Variants in UGT1A10 observed in about 807,000 individuals in gnomAD.
UGT1A10 encodes UDP-glucuronosyltransferase 1A10.
In UGT1A10, 49 loss-of-function variants were observed where a neutral mutation model predicts 45.8. The ratio of observed to expected loss-of-function variants is 1.07; its 90% CI spans 0.85 to 1.36. The LOEUF is 1.36. UGT1A10 is among the 40% of genes most tolerant of loss of function. The probability of loss-of-function intolerance (pLI) is 0.00; values close to 1 mark genes in which losing one functional copy is unlikely to be tolerated. For synonymous variants in UGT1A10, 284 were observed against 249.7 expected, an observed-to-expected ratio of 1.14 and a Z score of -1.29; for missense variants, 745 against 668.6, an observed-to-expected ratio of 1.11 and a Z score of -1.26.
chr2:233,679,589 C>T lies in UGT1A10; in HGVS notation c.855+42212C>T, dbSNP rs113117053. 9.1e-3 allele frequency among the ~76,000 whole-genome samples: 1,388 copies of T among 152,176 alleles called. 20 individuals are homozygous for T. The highest frequency in any genetic ancestry group is 0.032 in the African/African-American group (1,309 of 41,526). On this transcript the variant is annotated intron_variant, in intron 1 of 4. Transcript: ENST00000344644. ...TTTTTGTTTTTTCCAGAATAGGGCA[C>T]TGTCATCTGTATTAAAACCCTGTTC... is the stretch of plus-strand genomic sequence containing the variant.
At chr2:233,757,535 A>AATATATATACATATACATATACATATAT (rs376887521) in intron 1 of UGT1A10, among the ~76,000 whole-genome samples, 12 of 88,284 alleles carry the variant, frequency 1.4e-4, no homozygotes, top group Non-Finnish European at 1.5e-4. Flanking sequence ...GCCTGTAAGG[A>AATATATATACATATACATATACATATAT]ATATATATAT....
chr2:233,769,536 A>G lies in UGT1A10; in HGVS notation c.1295+1097A>G. On this transcript the variant is annotated intron_variant, in intron 4 of 4. Transcript: ENST00000344644. This position sits in a 1 kb window ranked among gnomAD's most constrained non-coding sequence, Gnocchi z 4.4. Reference sequence around the variant, plus strand: ...CCCATGGTTACCTCCTTTAGAAAGAAGCAGCAGTCAGGAAGACAGATGTGA... The same window carrying G: ...CCCATGGTTACCTCCTTTAGAAAGAGGCAGCAGTCAGGAAGACAGATGTGA... 6.2e-7 allele frequency: 1 copy of G among 1,612,938 alleles called. No homozygotes were observed. The highest frequency in any genetic ancestry group is 8.5e-7 in the Non-Finnish European group (1 of 1,179,892).
chr2:233,743,634 C>G lies in UGT1A10; in HGVS notation c.856-23400C>G, dbSNP rs776464072. On this transcript the variant is annotated intron_variant, in intron 1 of 4. Coordinates refer to ENST00000344644, the MANE Select transcript of UGT1A10 (RefSeq NM_019075.4). ...AACTCCCTGAAGACGTCGGCTGGGT[C>G]GCGGAAGCTGAAGACGTACTCGAAG... is the stretch of plus-strand genomic sequence containing the variant. 14 of 1,367,180 alleles carry G rather than the reference C, an allele frequency of 1.0e-5. No individual in the cohort carries two copies. In the South Asian group the frequency reaches 1.5e-4, roughly 14 times the overall value. 84.7% of individuals were successfully genotyped at this position (1,367,180 alleles called of 1,614,324 possible).
At chr2:233,659,831 A>T (rs2073930844) in intron 1 of UGT1A10, among the ~76,000 whole-genome samples, 1 of 152,220 alleles carries the variant, frequency 6.6e-6, no homozygotes, top group East Asian at 1.9e-4. Context: ...GTCTTCAATA[A>T]TCGGAATCCT....
chr2:233,730,090 C>A, intron 1 of UGT1A10: 2 of 1,596,076 alleles, frequency 1.3e-6, no homozygotes, highest in South Asian at 1.1e-5. Flanking sequence ...ACTTATCTTT[C>A]CAAATATTTC....
chr2:233,772,282 G>A lies in UGT1A10; in HGVS notation c.1316G>A (p.Arg439His), dbSNP rs748166510. The change falls in exon 5 of 5, where the codon CGC becomes CAC. Residue 439 changes from arginine to histidine, a missense_variant. Arg to His is a conservative substitution (Grantham distance 29). Transcript: ENST00000344644. ...TTTAGTTACAAGGAGAACATCATGC[G>A]CCTCTCCAGCCTTCACAAGGACCGC... ...NDKSYKENIM[R>H]LSSLHKDRPV... 13 of 1,614,078 alleles carry A rather than the reference G, an allele frequency of 8.1e-6. No homozygotes were observed. Among genetic ancestry groups the A allele is most frequent in the Middle Eastern group, 1.6e-4 (1 of 6,084 alleles).
chr2:233,715,439 T>C (rs1470387805), intron 1 of UGT1A10, among the ~76,000 whole-genome samples: 2 of 152,158 alleles, frequency 1.3e-5, no homozygotes, highest in East Asian at 3.9e-4. Flanking sequence ...GTAATGTGAC[T>C]CCTATGTTAT....
chr2:233,679,228 TC>T (rs2074445655), intron 1 of UGT1A10, among the ~76,000 whole-genome samples: 1 of 152,250 alleles, frequency 6.6e-6, no homozygotes, highest in Admixed American at 6.5e-5. Flanking sequence ...TAGGGAATGG[TC>T]CAATATCGAA....
intron 1 of UGT1A10, among the ~76,000 whole-genome samples, chr2:233,725,821 C>A (rs539043727): frequency 6.6e-6 from 1 of 152,130 alleles, no homozygotes; most frequent in South Asian, 2.1e-4. Flanking sequence ...TATTGGATAC[C>A]AGTATTGCTA....
At chr2:233,685,612 C>G (rs948658757) in intron 1 of UGT1A10, among the ~76,000 whole-genome samples, 1 of 152,198 alleles carries the variant, frequency 6.6e-6, no homozygotes, top group Non-Finnish European at 1.5e-5. Context: ...TTATTTATTT[C>G]AACTTTTTAT....
At chr2:233,739,019 A>G (rs1003035720) in intron 1 of UGT1A10, 4 of 152,282 alleles carry the variant, frequency 2.6e-5, no homozygotes, top group African/African-American at 7.2e-5. Flanking sequence ...GGCTCCAGCC[A>G]TGGCTAAAAG....
chr2:233,717,672 G>A (rs1559362720), intron 1 of UGT1A10: 4 of 421,080 alleles, frequency 9.5e-6, no homozygotes, highest in Admixed American at 2.5e-5. Flanking sequence ...GCAATCTTGC[G>A]AGCACATGTA....
chr2:233,706,616 G>C (rs2075915881), intron 1 of UGT1A10, among the ~76,000 whole-genome samples: 1 of 152,154 alleles, frequency 6.6e-6, no homozygotes, highest in Admixed American at 6.6e-5. Flanking sequence ...AAGAAGACTA[G>C]AGAAATGAGT....
In UGT1A10 at chr2:233,772,467, T is replaced by G; in HGVS notation, c.1501T>G (p.Phe501Val). The G allele has an allele frequency of 6.8e-6, 11 of 1,614,156 alleles. No individual in the cohort carries two copies. The highest frequency in any genetic ancestry group is 9.3e-6 in the Non-Finnish European group (11 of 1,180,034). Residue 501 changes from phenylalanine (F) to valine (V), a missense_variant, in exon 5 of 5, where the codon TTC becomes GTC. Coordinates refer to ENST00000344644, the MANE Select transcript of UGT1A10 (RefSeq NM_019075.4). Reference sequence around the variant, plus strand: ...CTTGGCCGTCGTGCTGACAGTGGCCTTCATCACCTTTAAATGTTGTGCTTA... The same window carrying G: ...CTTGGCCGTCGTGCTGACAGTGGCCGTCATCACCTTTAAATGTTGTGCTTA... ...FLLAVVLTVA[F>V]ITFKCCAYGY...
At chr2:233,672,772 G>A (rs369594976) in intron 1 of UGT1A10, 47 of 1,613,404 alleles carry the variant, frequency 2.9e-5, no homozygotes, top group Non-Finnish European at 3.9e-5. Context: ...CTGCCATCAG[G>A]GAAAGCCGTT....
At chr2:233,678,329 G>A (rs1195831675) in intron 1 of UGT1A10, among the ~76,000 whole-genome samples, 3 of 152,086 alleles carry the variant, frequency 2.0e-5, no homozygotes, top group Non-Finnish European at 2.9e-5. Flanking sequence ...ATGTATAAGA[G>A]GAAGTCATTC....
chr2:233,648,147 C>T, intron 1 of UGT1A10: 1 of 1,231,522 alleles, frequency 8.1e-7, no homozygotes, highest in Non-Finnish European at 1.1e-6. Context: ...AAGTACGACG[C>T]TTATTTTCTC....
intron 1 of UGT1A10, among the ~76,000 whole-genome samples, chr2:233,698,748 A>C (rs12988520): frequency 0.51 from 77,361 of 152,166 alleles, 20,265 homozygotes; most frequent in South Asian, 0.59. Flanking sequence ...TTTTTACATA[A>C]TGCTATGATT....
chr2:233,741,211 A>G (rs764528916), intron 1 of UGT1A10, among the ~76,000 whole-genome samples: 2 of 151,912 alleles, frequency 1.3e-5, no homozygotes, highest in African/African-American at 2.4e-5. Flanking sequence ...AACTAGCCAG[A>G]GTTGTTACAG....
Sources: gnomAD v4.1 joint callset for allele counts (sites outside exome capture counted in the v4.1 genomes callset) on GRCh38, gnomAD v4.1.1 for gene constraint, Gnocchi (gnomAD v3.1) non-coding constraint, MANE v1.5 for transcripts, NCBI Gene and HGNC (gene_info 2026-07-23, HGNC 2026-07-21) for gene names.